VWA2: variants seen among roughly 807,000 people sequenced by gnomAD.
The protein encoded by VWA2 is von Willebrand factor A domain-containing protein 2.
Under a neutral mutation model 70.4 loss-of-function variants are expected in VWA2, and 73 were observed. The ratio of observed to expected loss-of-function variants is 1.04; its 90% confidence interval spans 0.86 to 1.26. The LOEUF (loss-of-function observed/expected upper bound fraction) is 1.26. VWA2 is among the 50% of genes most tolerant of loss of function. VWA2 has a pLI of 0.00. For missense variants in VWA2, 1,011 were observed against 998.5 expected (o/e 1.01, Z -0.17); for synonymous variants, 407 against 423.3 (o/e 0.96, Z 0.47).
intron 6 of VWA2, among the ~76,000 whole-genome samples, chr10:114,273,337 A>T (rs746627090): frequency 2.6e-5 from 4 of 152,082 alleles, no homozygotes; most frequent in African/African-American, 4.8e-5. Context: ...CCCTGACTTT[A>T]TTAGGAAGCT....
Position 114,291,595 on chromosome 10 carries a change from C to T in VWA2, c.*358C>T, listed in dbSNP as rs558675017. 6.8e-5 allele frequency: 16 copies of T among 233,702 alleles called. No individual in the cohort carries two copies. The highest frequency in any genetic ancestry group is 1.6e-4 in the South Asian group (2 of 12,728). 14.5% of individuals were successfully genotyped at this position (233,702 alleles called of 1,614,324 possible). The stretch of plus-strand genomic sequence containing the variant: ...AGGGGTCCTGAAGACTTAAATTTAG[C>T]GGCCTGACGTTCCTTTGCACACAAT... On this transcript the variant is annotated 3_prime_UTR_variant, in exon 14 of 14. Transcript: ENST00000392982.
At chr10:114,254,889 T>G in intron 3 of VWA2, 26 bp from the exon 4 acceptor site, 1 of 1,603,736 alleles carries the variant, frequency 6.2e-7, no homozygotes, top group Non-Finnish European at 8.5e-7. Flanking sequence ...CTCCTGGTTG[T>G]CATCTGTCTG....
At chr10:114,241,689 T>C (rs779765410) in intron 1 of VWA2, among the ~76,000 whole-genome samples, 1 of 152,220 alleles carries the variant, frequency 6.6e-6, no homozygotes, top group Non-Finnish European at 1.5e-5. Context: ...ACAGGGCAGA[T>C]GCTTAATAAT....
chr10:114,290,428 C>T, intron 13 of VWA2, 63 bp downstream of exon 13: 8 of 1,536,270 alleles, frequency 5.2e-6, no homozygotes, highest in Non-Finnish European at 7.0e-6. Flanking sequence ...CTGCCAAGTC[C>T]CACAAACTCA....
chr10:114,267,942 C>A (rs1311228454), intron 5 of VWA2, among the ~76,000 whole-genome samples: 2 of 152,006 alleles, frequency 1.3e-5, no homozygotes, highest in African/African-American at 4.8e-5. Context: ...TTTATGAACA[C>A]TAGAATTTGA....
chr10:114,292,982 C>T lies in VWA2; in HGVS notation c.*1745C>T, dbSNP rs1450915971. Reference sequence around the variant, plus strand: ...TTGGCCTCCCAAAGTTCTGGGATTACAGGGGTGAACCACTGTGCCTGGCCC... The same window carrying T: ...TTGGCCTCCCAAAGTTCTGGGATTATAGGGGTGAACCACTGTGCCTGGCCC... On this transcript the variant is annotated 3_prime_UTR_variant, in exon 14 of 14. Coordinates refer to ENST00000392982, the MANE Select transcript of VWA2 (RefSeq NM_001272046.2). 6.6e-6 allele frequency among the ~76,000 whole-genome samples: 1 copy of T among 152,236 alleles called. No individual in the cohort carries two copies. Among genetic ancestry groups the T allele is most frequent in the Non-Finnish European group, 1.5e-5 (1 of 68,044 alleles).
chr10:114,246,069 G>GC (rs2037061057), intron 1 of VWA2: 3 of 391,392 alleles, frequency 7.7e-6, no homozygotes, highest in South Asian at 3.0e-5. Context: ...ACCTGCCCCC[G>GC]CCCCCCGCCC....
intron 5 of VWA2, among the ~76,000 whole-genome samples, chr10:114,271,965 A>C (rs890641046): frequency 6.6e-6 from 1 of 152,214 alleles, no homozygotes; most frequent in African/African-American, 2.4e-5. Flanking sequence ...AATCCACTGT[A>C]GTGAGTCATT....
rs147455246 is a variant in VWA2, at chr10:114,260,451, T to C, written c.262-735T>C. Among the ~76,000 whole-genome samples, 556 of 152,328 alleles carry C rather than the reference T, an allele frequency of 3.7e-3. 7 individuals carry two copies. The highest frequency in any genetic ancestry group is 0.012 in the African/African-American group (519 of 41,578). On this transcript the variant is annotated intron_variant, in intron 4 of 13. Transcript: ENST00000392982. ...CTGACTGTGGTCTAGAGACCTGGCC[T>C]TTCCTCTAGCTTGGCAGGGGCAGGT... is the stretch of plus-strand genomic sequence containing the variant.
At position 114,289,450 on chromosome 10, in the gene VWA2, C is replaced by T. The variant is rs188415452; in HGVS notation, c.2083C>T (p.Arg695Trp). 3.3e-5 allele frequency: 53 copies of T among 1,614,144 alleles called. 1 individual carries two copies. The East Asian group carries it at 4.9e-4, about 15-fold the overall frequency. Residue 695 changes from arginine (R) to tryptophan (W), a missense_variant, in exon 12 of 14, where the codon CGG becomes TGG. Physicochemically the swap from Arg to Trp is moderately radical, Grantham distance 101. Transcript: ENST00000392982. ...LIHVAAYADL[R>W]YHQDVLIEWL... is the part of the protein sequence containing the mutation. ...CCACGTGGCAGCTTACGCCGACCTGCGGTACCACCAGGACGTGCTCATTGA... is the reference window on the plus strand; with the variant it reads ...CCACGTGGCAGCTTACGCCGACCTGTGGTACCACCAGGACGTGCTCATTGA...
intron 12 of VWA2, chr10:114,290,029 A>T: frequency 2.0e-6 from 1 of 488,726 alleles, no homozygotes; most frequent in Non-Finnish European, 3.5e-6. Context: ...TGTGTATGGC[A>T]CGTCTGAGCA....
At position 114,245,121 on chromosome 10, in the gene VWA2, G is replaced by A. The variant is rs143534107; in HGVS notation, c.-10-3583G>A. The stretch of plus-strand genomic sequence containing the variant: ...GTTGCAGAGCCAACACCGTCTGATT[G>A]ATCCAAACAGCTAGGAGAAGGCATT... On this transcript the variant is annotated intron_variant, in intron 1 of 13. Coordinates refer to ENST00000392982, the MANE Select transcript of VWA2 (RefSeq NM_001272046.2). 9.8e-5 allele frequency among the ~76,000 whole-genome samples: 15 copies of A among 152,360 alleles called. No homozygotes were observed. In the East Asian group the frequency reaches 2.9e-3, roughly 29 times the overall value.
At position 114,278,387 on chromosome 10, in the gene VWA2, C is replaced by T. The variant is rs144366194; in HGVS notation, c.701-332C>T. On this transcript the variant is annotated intron_variant, in intron 7 of 13. Transcript: ENST00000392982. ...GCACAAGGAGGCTTTGTGCTTGGTG[C>T]GAGATCCCTGCATTCTAGTCGTCCT... 4.0e-4 allele frequency among the ~76,000 whole-genome samples: 61 copies of T among 152,248 alleles called. 1 individual carries two copies. The highest frequency in any genetic ancestry group is 2.9e-3 in the East Asian group (15 of 5,176).
Position 114,291,273 on chromosome 10 carries a change from A to G in VWA2, c.*36A>G, listed in dbSNP as rs2039572471. On this transcript the variant is annotated 3_prime_UTR_variant, in exon 14 of 14. Transcript: ENST00000392982. ...TCCCGTGCAGGAGGGCAGCAGCCGT[A>G]CCCCTCCCAGCAACTACAGAGAAGG... 2 of 1,543,740 alleles carry G rather than the reference A, an allele frequency of 1.3e-6. No individual in the cohort carries two copies.
intron 5 of VWA2, among the ~76,000 whole-genome samples, chr10:114,269,228 C>T (rs7919091): frequency 0.014 from 2,136 of 152,298 alleles, 46 homozygotes; most frequent in African/African-American, 0.049. Context: ...GTCCCTGAAA[C>T]TTAATTTCTC....
intron 6 of VWA2, 142 bp from the exon 7 acceptor site, chr10:114,277,772 T>G (rs2037881125): frequency 9.2e-7 from 1 of 1,086,142 alleles, no homozygotes; most frequent in Non-Finnish European, 1.2e-6. Context: ...TCCGGTTAAC[T>G]GTTTTCCTCA....
intron 3 of VWA2, among the ~76,000 whole-genome samples, chr10:114,254,097 G>A (rs1486378952): frequency 1.3e-5 from 2 of 151,698 alleles, no homozygotes; most frequent in Non-Finnish European, 2.9e-5. Context: ...TAAAGACAGG[G>A]TCTTGCTCCT....
chr10:114,262,715 A>G (rs573541962), intron 5 of VWA2, among the ~76,000 whole-genome samples: 11 of 152,194 alleles, frequency 7.2e-5, no homozygotes, highest in South Asian at 4.2e-4. Flanking sequence ...AGTAACCCTC[A>G]CTGACTTTTA....
At chr10:114,255,682 C>T (rs970956490) in intron 4 of VWA2, among the ~76,000 whole-genome samples, 3 of 152,194 alleles carry the variant, frequency 2.0e-5, no homozygotes, top group Non-Finnish European at 4.4e-5. Context: ...TGAGTGAATC[C>T]AGCCAGTATC....
Sources: gnomAD v4.1 joint callset for allele counts (sites outside exome capture counted in the v4.1 genomes callset) on GRCh38, gnomAD v4.1.1 for gene constraint, MANE v1.5 for transcripts, NCBI Gene and HGNC (gene_info 2026-07-23, HGNC 2026-07-21) for gene names.